Variants in RUNX2 observed in about 807,000 individuals in gnomAD.
RUNX2 encodes runt-related transcription factor 2.
Under a neutral mutation model 51.7 loss-of-function variants are expected in RUNX2, and 10 were observed. The ratio of observed to expected loss-of-function variants is 0.19; its 90% CI spans 0.12 to 0.33. The LOEUF is 0.33. Ranked by LOEUF, RUNX2 falls within the 10% of genes least tolerant of loss-of-function variation. The pLI is 1.00. For missense variants in RUNX2, 562 were observed against 691.3 expected, an observed-to-expected ratio of 0.81 and a Z score of 2.10; for synonymous variants, 276 against 273.6, an observed-to-expected ratio of 1.01 and a Z score of -0.09.
At chr6:45,487,355 A>C (rs1800314214) in intron 5 of RUNX2, among the ~76,000 whole-genome samples, 1 of 152,202 alleles carries the variant, frequency 6.6e-6, no homozygotes, top group African/African-American at 2.4e-5. Flanking sequence ...TCAGGGACTC[A>C]GGGTCCTCAT....
intron 7 of RUNX2, among the ~76,000 whole-genome samples, chr6:45,541,422 G>A (rs1054388583): frequency 6.6e-6 from 1 of 152,132 alleles, no homozygotes; most frequent in African/African-American, 2.4e-5. Context: ...TTAAAAGGGG[G>A]AGAAGATTCT....
chr6:45,473,498 A>G (rs1309650843), intron 5 of RUNX2, among the ~76,000 whole-genome samples: 2 of 152,046 alleles, frequency 1.3e-5, no homozygotes, highest in Non-Finnish European at 2.9e-5. Context: ...AAGGTGGGGG[A>G]GCGGTGGCGG....
At chr6:45,473,638 C>T (rs571163882) in intron 5 of RUNX2, among the ~76,000 whole-genome samples, 1 of 152,274 alleles carries the variant, frequency 6.6e-6, no homozygotes, top group African/African-American at 2.4e-5. Context: ...CATGTGTGGA[C>T]CACACAGAAT....
Position 45,419,419 on chromosome 6 carries a change from C to T in RUNX2, c.59-3174C>T, listed in dbSNP as rs200609461. On this transcript the variant is annotated intron_variant, in intron 2 of 8. Coordinates refer to ENST00000647337, the MANE Select transcript of RUNX2 (RefSeq NM_001024630.4). ...ACAACATGCCCAAAGTAAAACTAGC[C>T]CCCTAAAAAGAAAAAAAAAAGGCAG... 1.1e-4 allele frequency among the ~76,000 whole-genome samples: 17 copies of T among 151,840 alleles called. No homozygotes were observed. In the East Asian group the frequency reaches 2.1e-3, roughly 19 times the overall value.
rs1798262393 is a variant in RUNX2, at chr6:45,422,950, C to T, written c.416C>T (p.Ala139Val). The T allele has an allele frequency of 6.2e-7, 1 of 1,611,066 alleles. No individual in the cohort carries two copies. The highest frequency in any genetic ancestry group is 8.5e-7 in the Non-Finnish European group (1 of 1,179,550). Reference protein sequence around the residue: ...HWRCNKTLPVAFKVVALGEVP... With the variant: ...HWRCNKTLPVVFKVVALGEVP... ...CGCTGCAACAAGACCCTGCCCGTGG[C>T]CTTCAAGGTAAGAGGCTACACCGCC... Residue 139 changes from alanine (A) to valine (V), a missense_variant, in exon 3 of 9, where the codon GCC (alanine) becomes GTC (valine). By Grantham distance (64) the Ala-to-Val change is moderately conservative. Transcript: ENST00000647337.
intron 2 of RUNX2, among the ~76,000 whole-genome samples, chr6:45,373,496 T>C (rs1172704692): frequency 6.6e-6 from 1 of 152,264 alleles, no homozygotes; most frequent in African/African-American, 2.4e-5. Context: ...GTAGAAAATA[T>C]ATTGTGACCA....
chr6:45,404,357 G>A (rs1386695162), intron 2 of RUNX2, among the ~76,000 whole-genome samples: 1 of 149,214 alleles, frequency 6.7e-6, no homozygotes, highest in African/African-American at 2.5e-5. Flanking sequence ...CAAGTGCAAA[G>A]GACCCACCTT....
At chr6:45,521,813 C>CG (rs1397525892) in intron 7 of RUNX2, among the ~76,000 whole-genome samples, 1 of 152,146 alleles carries the variant, frequency 6.6e-6, no homozygotes, top group Non-Finnish European at 1.5e-5. Context: ...CTTAACGCCT[C>CG]GTACCCAGAA....
At chr6:45,446,697 A>G (rs568000710) in intron 5 of RUNX2, among the ~76,000 whole-genome samples, 5 of 152,272 alleles carry the variant, frequency 3.3e-5, no homozygotes, top group African/African-American at 4.8e-5. Context: ...TCCCATTCAT[A>G]CCTGTCCATA....
At chr6:45,495,154 G>A (rs1800609963) in intron 6 of RUNX2, among the ~76,000 whole-genome samples, 1 of 152,222 alleles carries the variant, frequency 6.6e-6, no homozygotes, top group Non-Finnish European at 1.5e-5. Context: ...CTTCTTTTAA[G>A]GATACTGTGT....
At chr6:45,361,942 T>C (rs1160159395) in intron 2 of RUNX2, among the ~76,000 whole-genome samples, 2 of 152,142 alleles carry the variant, frequency 1.3e-5, no homozygotes, top group Non-Finnish European at 2.9e-5. Flanking sequence ...TCCCAGCTAC[T>C]TGGGAGGCTG....
chr6:45,544,908 T>C (rs1445741154), intron 7 of RUNX2, among the ~76,000 whole-genome samples: 1 of 152,232 alleles, frequency 6.6e-6, no homozygotes, highest in Non-Finnish European at 1.5e-5. Flanking sequence ...TGTCAGAATT[T>C]CGTTTTTGGG....
intron 5 of RUNX2, among the ~76,000 whole-genome samples, chr6:45,484,566 G>A (rs1800212275): frequency 6.6e-6 from 1 of 152,116 alleles, no homozygotes; most frequent in East Asian, 1.9e-4. Context: ...TAAATTTAGA[G>A]CCTCAATAGT....
In RUNX2 at chr6:45,401,434, G is replaced by A. The variant is rs528831704; in HGVS notation, c.59-21159G>A. Among the ~76,000 whole-genome samples the A allele has an allele frequency of 3.4e-4, 52 of 152,312 alleles. No homozygotes were observed. In the South Asian group the frequency reaches 3.5e-3, roughly 10 times the overall value. On this transcript the variant is annotated intron_variant, in intron 2 of 8. Transcript: ENST00000647337. ...AGGCTATATTGTACAGTAGAATTAA[G>A]GAGGAGATATGAAGCCAAAAGAAGT...
At chr6:45,488,026 T>A (rs971358133) in intron 5 of RUNX2, among the ~76,000 whole-genome samples, 9 of 152,112 alleles carry the variant, frequency 5.9e-5, no homozygotes, top group South Asian at 2.1e-4. Flanking sequence ...CTACAAGGAA[T>A]CAGGGGAGAG....
intron 2 of RUNX2, among the ~76,000 whole-genome samples, chr6:45,417,477 T>C (rs571580557): frequency 6.6e-6 from 1 of 152,378 alleles, no homozygotes; most frequent in South Asian, 2.1e-4. Context: ...TAACAATTTA[T>C]GCAGAAAAGA....
intron 7 of RUNX2, among the ~76,000 whole-genome samples, chr6:45,528,707 C>T (rs1801749270): frequency 6.6e-6 from 1 of 152,136 alleles, no homozygotes; most frequent in African/African-American, 2.4e-5. Flanking sequence ...TAGATGATCA[C>T]ACTGGGCAGT....
chr6:45,416,665 A>C (rs142587229), intron 2 of RUNX2, among the ~76,000 whole-genome samples: 11 of 152,240 alleles, frequency 7.2e-5, no homozygotes, highest in African/African-American at 1.2e-4. Context: ...GTTTTCTCTG[A>C]CTCCTGGGTA....
chr6:45,377,607 G>A (rs1288764915), intron 2 of RUNX2, among the ~76,000 whole-genome samples: 1 of 152,082 alleles, frequency 6.6e-6, no homozygotes, highest in Non-Finnish European at 1.5e-5. Context: ...TCAACACTCC[G>A]GCGTAGACCA....
Sources: allele counts gnomAD v4.1 joint callset (sites outside exome capture counted in the v4.1 genomes callset), GRCh38; gene constraint gnomAD v4.1.1; transcripts MANE v1.5; gene names NCBI Gene and HGNC (gene_info 2026-07-23, HGNC 2026-07-21).